ATP11C: variants seen among roughly 807,000 people sequenced by gnomAD.
The protein encoded by ATP11C is ATPase phospholipid transporting 11C (ATP11C blood group).
Under a neutral mutation model 97.4 loss-of-function variants are expected in ATP11C, and 36 were observed. That is an observed-to-expected ratio of 0.37 (90% CI 0.28 to 0.49). The LOEUF (loss-of-function observed/expected upper bound fraction) is 0.49. Among genes scored for constraint, ATP11C ranks in the 20% least tolerant of loss-of-function variants. ATP11C has a pLI of 0.98. For synonymous variants in ATP11C, 275 were observed against 290.9 expected, an observed-to-expected ratio of 0.95 and a Z score of 0.56; for missense variants, 730 against 824.6, an observed-to-expected ratio of 0.89 and a Z score of 1.40.
At chrX:139,935,223 T>A (rs2085511663), upstream of ATP11C, among the ~76,000 whole-genome samples, 1 of 111,946 alleles carries the variant, frequency 8.9e-6, no homozygotes, top group African/African-American at 3.2e-5. Context: ...ACATACCCAT[T>A]GTCATGTTAC....
intron 1 of ATP11C, among the ~76,000 whole-genome samples, chrX:139,836,353 A>T (rs1476558985): frequency 9.1e-6 from 1 of 110,418 alleles, no homozygotes; most frequent in Non-Finnish European, 1.9e-5. Flanking sequence ...TGCCTCTACT[A>T]AAAATACAAA....
chrX:139,789,682 T>C (rs2082648124), intron 12 of ATP11C, among the ~76,000 whole-genome samples, 194 bp from the exon 13 acceptor site: 1 of 111,816 alleles, frequency 8.9e-6, no homozygotes, highest in Non-Finnish European at 1.9e-5. Flanking sequence ...GACACCAAAA[T>C]GCTATCACAT....
chrX:139,838,680 G>T (rs2083782713), intron 1 of ATP11C, among the ~76,000 whole-genome samples: 1 of 112,645 alleles, frequency 8.9e-6, no homozygotes, highest in African/African-American at 3.2e-5. Context: ...CTGGTGCAGT[G>T]GCTCATGCCT....
At chrX:139,797,845 T>C (rs1373177965) in intron 10 of ATP11C, among the ~76,000 whole-genome samples, 13 of 111,565 alleles carry the variant, frequency 1.2e-4, no homozygotes, top group Non-Finnish European at 1.7e-4. Context: ...GGCTTGAGGA[T>C]CTACGAGGCA....
intron 1 of ATP11C, among the ~76,000 whole-genome samples, chrX:139,903,517 A>C (rs1391623842): frequency 9.1e-6 from 1 of 109,385 alleles, no homozygotes; most frequent in Non-Finnish European, 1.9e-5. Flanking sequence ...AGGGCCTGGA[A>C]GCTCTGAGCT....
chrX:139,760,565 A>G (rs980827711), intron 22 of ATP11C, among the ~76,000 whole-genome samples: 1 of 112,017 alleles, frequency 8.9e-6, no homozygotes, highest in African/African-American at 3.2e-5. Flanking sequence ...ACTAAATACT[A>G]TATGATTTGA....
At chrX:139,776,022 G>C (rs890553974) in intron 18 of ATP11C, among the ~76,000 whole-genome samples, 5 of 112,386 alleles carry the variant, frequency 4.4e-5, no homozygotes, top group Non-Finnish European at 9.4e-5. Flanking sequence ...TGCCCCTAAG[G>C]GGGAGGTAAG....
At chrX:139,908,496 C>A (rs2085018220) in intron 1 of ATP11C, among the ~76,000 whole-genome samples, 1 of 112,097 alleles carries the variant, frequency 8.9e-6, no homozygotes. Context: ...TTTTTATTTA[C>A]CACTTGGTCC....
intron 2 of ATP11C, among the ~76,000 whole-genome samples, chrX:139,824,292 C>G (rs1023280748): frequency 9.0e-6 from 1 of 110,774 alleles, no homozygotes; most frequent in African/African-American, 3.3e-5. Flanking sequence ...AAGTTTTGCA[C>G]CAGCTACAAA....
At chrX:139,763,048 T>TCCCAAA (rs2082068875) in intron 21 of ATP11C, among the ~76,000 whole-genome samples, 2 of 112,620 alleles carry the variant, frequency 1.8e-5, no homozygotes, top group Non-Finnish European at 3.8e-5. Context: ...TCAATTGTGC[T>TCCCAAA]GCCAGTAGCT....
intron 20 of ATP11C, among the ~76,000 whole-genome samples, chrX:139,766,123 A>G (rs2082129932): frequency 8.9e-6 from 1 of 112,266 alleles, no homozygotes; most frequent in Admixed American, 9.4e-5. Flanking sequence ...GAAACAGCTG[A>G]AAAAGTAAAG....
At chrX:139,893,465 C>G (rs185971484) in intron 1 of ATP11C, among the ~76,000 whole-genome samples, 1 of 111,842 alleles carries the variant, frequency 8.9e-6, no homozygotes, top group South Asian at 3.7e-4. Flanking sequence ...GTAGTCATAT[C>G]TAGAAAAAAG....
chrX:139,912,365 G>A (rs1198420000), intron 1 of ATP11C, among the ~76,000 whole-genome samples: 2 of 110,534 alleles, frequency 1.8e-5, no homozygotes, highest in African/African-American at 6.6e-5. Context: ...GGCAAGGAGA[G>A]GAGATAGGGA....
At chrX:139,871,575 A>G (rs2084377734) in intron 1 of ATP11C, among the ~76,000 whole-genome samples, 1 of 100,360 alleles carries the variant, frequency 1.0e-5, no homozygotes, top group African/African-American at 3.7e-5. Context: ...GCTAGAGTAC[A>G]ATGGTGCAAT....
chrX:139,868,174 G>C (rs1488292658), intron 1 of ATP11C, among the ~76,000 whole-genome samples: 2 of 111,390 alleles, frequency 1.8e-5, no homozygotes, highest in Non-Finnish European at 3.8e-5. Context: ...AGACTTAAAT[G>C]TAACACCTGA....
intron 1 of ATP11C, among the ~76,000 whole-genome samples, chrX:139,865,206 T>C (rs2084261114): frequency 9.0e-6 from 1 of 110,889 alleles, no homozygotes; most frequent in Non-Finnish European, 1.9e-5. Context: ...CTCTACAAAA[T>C]TAAAATTAAA....
chrX:139,926,743 T>C (rs936271786), intron 1 of ATP11C, among the ~76,000 whole-genome samples: 5 of 112,549 alleles, frequency 4.4e-5, no homozygotes, highest in African/African-American at 9.7e-5. Flanking sequence ...AGTAAACACT[T>C]ACAGAAAGTA....
At chrX:139,926,147 T>TA (rs2085348699) in intron 1 of ATP11C, among the ~76,000 whole-genome samples, 1 of 110,647 alleles carries the variant, frequency 9.0e-6, no homozygotes, top group Non-Finnish European at 1.9e-5. Context: ...TGAAAGGAAA[T>TA]AAACTCGAGA....
chrX:139,768,495 T>C, intron 19 of ATP11C, 61 bp from the exon 20 acceptor site: 1 of 746,355 alleles, frequency 1.3e-6, no homozygotes, highest in African/African-American at 2.2e-5. Context: ...AGGATCCAGA[T>C]TTTTTTTTTA....
Sources: gnomAD v4.1 joint callset for allele counts (sites outside exome capture counted in the v4.1 genomes callset) on GRCh38, gnomAD v4.1.1 for gene constraint, MANE v1.5 for transcripts, NCBI Gene and HGNC (gene_info 2026-07-23, HGNC 2026-07-21) for gene names.